Variants in MROH9 observed in about 807,000 individuals in gnomAD.
MROH9 encodes the protein maestro heat like repeat family member 9, also known as maestro heat-like repeat-containing protein family member 9.
In MROH9, 92 loss-of-function variants were observed where a neutral mutation model predicts 98.2. The observed-to-expected ratio is 0.94, with a 90% CI of 0.79 to 1.11. The LOEUF (loss-of-function observed/expected upper bound fraction) is 1.11. Ranked by LOEUF, MROH9 falls within the 50% of genes most tolerant of loss-of-function variation. The pLI is 0.00. For missense variants in MROH9, 1,057 were observed against 1,014.8 expected (o/e 1.04, Z -0.57); for synonymous variants, 397 against 368.9 (o/e 1.08, Z -0.87).
intron 20 of MROH9, among the ~76,000 whole-genome samples, chr1:171,049,076 T>C (rs1653568065): frequency 6.6e-6 from 1 of 151,938 alleles, no homozygotes; most frequent in Non-Finnish European, 1.5e-5. Flanking sequence ...GAAAGGAAAG[T>C]GTCTTTTTTG....
intron 12 of MROH9, among the ~76,000 whole-genome samples, chr1:170,993,406 T>G (rs1651436149): frequency 6.6e-6 from 1 of 152,156 alleles, no homozygotes; most frequent in Admixed American, 6.6e-5. Context: ...CACATATGCC[T>G]TGAATAAGCC....
intron 20 of MROH9, among the ~76,000 whole-genome samples, chr1:171,051,319 C>A (rs1403467388): frequency 6.6e-6 from 1 of 151,924 alleles, no homozygotes; most frequent in East Asian, 1.9e-4. Flanking sequence ...TACACAATAG[C>A]AAAGACATAG....
intron 15 of MROH9, among the ~76,000 whole-genome samples, chr1:171,012,249 TTTA>T (rs1652178931): frequency 1.3e-5 from 2 of 152,048 alleles, no homozygotes; most frequent in Admixed American, 6.5e-5. Flanking sequence ...GGTTTCTTCT[TTTA>T]TTATATCACA....
At chr1:170,956,627 G>C (rs115061831) in intron 3 of MROH9, among the ~76,000 whole-genome samples, 1 of 142,680 alleles carries the variant, frequency 7.0e-6, no homozygotes, top group Non-Finnish European at 1.5e-5. Flanking sequence ...ATTGTAAAAG[G>C]GGTTGAGTTC....
At chr1:170,968,592 TAGAG>T (rs1650321619) in intron 7 of MROH9, among the ~76,000 whole-genome samples, 1 of 151,938 alleles carries the variant, frequency 6.6e-6, no homozygotes, top group South Asian at 2.1e-4. Context: ...CTATTAAAGA[TAGAG>T]AGACAGCTGG....
At position 170,945,722 on chromosome 1, in the gene MROH9, C is replaced by T. The variant is rs1340379258; in HGVS notation, c.25+141C>T. On this transcript the variant is annotated intron_variant, in intron 2 of 21. Transcript: ENST00000367759. Reference sequence around the variant, plus strand: ...GAATGTACCTTTTTTCCCTAATGCCCGTAGAACGTTCACAAAAGTAACCAT... The same window carrying T: ...GAATGTACCTTTTTTCCCTAATGCCTGTAGAACGTTCACAAAAGTAACCAT... The T allele has an allele frequency of 2.2e-5, 14 of 641,834 alleles. 1 individual carries two copies. In the South Asian group the frequency reaches 3.0e-4, roughly 14 times the overall value. 39.8% of individuals were successfully genotyped at this position (641,834 alleles called of 1,614,324 possible). A position where few individuals can be genotyped will look rare whatever the true frequency, so the allele number is the denominator to read the frequency against.
chr1:170,971,763 C>G lies in MROH9; in HGVS notation c.496C>G (p.Pro166Ala), dbSNP rs1213761762. 1.2e-6 allele frequency: 2 copies of G among 1,614,014 alleles called. No homozygotes were observed. The highest frequency in any genetic ancestry group is 1.7e-6 in the Non-Finnish European group (2 of 1,179,934). The change falls in exon 8 of 22, where the codon CCA becomes GCA. Residue 166 changes from proline to alanine, a missense_variant. Transcript: ENST00000367759. The stretch of plus-strand genomic sequence containing the variant: ...TCTCCATTAGATAAGTGTTGATGCT[C>G]CATGTTTGGGTCTCCTGGCAGCAGA... The part of the protein sequence containing the change: ...KVRKYISVDA[P>A]CLGLLAAELS...
intron 3 of MROH9, among the ~76,000 whole-genome samples, chr1:170,957,574 A>T (rs1372210703): frequency 6.6e-6 from 1 of 152,072 alleles, no homozygotes; most frequent in Non-Finnish European, 1.5e-5. Flanking sequence ...TTACTTTTGT[A>T]TTATAGCTTG....
rs536841827 is a variant in MROH9, at chr1:170,966,150, G to T, written c.480+895G>T. Among the ~76,000 whole-genome samples, 5 of 152,144 alleles carry T rather than the reference G, an allele frequency of 3.3e-5. No homozygotes were observed. The South Asian group carries it at 1.0e-3, about 32-fold the overall frequency. ...GGTTAAAGTTTAGTAACACAAAATT[G>T]TCCACCAATTTGCATTCATGTAAAT... On this transcript the variant is annotated intron_variant, in intron 7 of 21. Coordinates refer to ENST00000367759, the MANE Select transcript of MROH9 (RefSeq NM_001163629.2).
rs976383929 is a variant in MROH9, at chr1:170,940,850, G to A, written c.-37-4670G>A. 9.8e-5 allele frequency among the ~76,000 whole-genome samples: 15 copies of A among 152,296 alleles called. No homozygotes were observed. The East Asian group carries it at 2.9e-3, about 29-fold the overall frequency. ...TTGCTTCCAGCTTACTATGTTCCTA[G>A]GTAGAGGCAGTTCTTGTGGCTTCCA... is the stretch of plus-strand genomic sequence containing the variant. On this transcript the variant is annotated intron_variant, in intron 1 of 21. Coordinates refer to ENST00000367759, the MANE Select transcript of MROH9 (RefSeq NM_001163629.2).
chr1:171,012,889 C>A (rs765976806), intron 15 of MROH9, among the ~76,000 whole-genome samples: 2 of 152,150 alleles, frequency 1.3e-5, no homozygotes, highest in African/African-American at 2.4e-5. Context: ...ATACTCATGT[C>A]TTCACTCTGG....
intron 8 of MROH9, among the ~76,000 whole-genome samples, chr1:170,981,511 C>A (rs1650927323): frequency 6.6e-6 from 1 of 152,038 alleles, no homozygotes; most frequent in Non-Finnish European, 1.5e-5. Flanking sequence ...AACACAGGAA[C>A]AGAAAACCAA....
At chr1:170,944,559 G>A (rs1649247521) in intron 1 of MROH9, among the ~76,000 whole-genome samples, 1 of 151,212 alleles carries the variant, frequency 6.6e-6, no homozygotes, top group African/African-American at 2.4e-5. Flanking sequence ...TCTCAAAAAG[G>A]TTGCAAATAA....
chr1:171,009,749 C>G (rs1199538139), intron 15 of MROH9, among the ~76,000 whole-genome samples: 1 of 152,128 alleles, frequency 6.6e-6, no homozygotes, highest in East Asian at 1.9e-4. Flanking sequence ...CCAAAAGGAA[C>G]CATGTCTCCT....
intron 17 of MROH9, among the ~76,000 whole-genome samples, chr1:171,023,961 T>G (rs1030881492): frequency 1.3e-5 from 2 of 152,136 alleles, no homozygotes; most frequent in Non-Finnish European, 2.9e-5. Context: ...CTTCTATGAG[T>G]TCAACCTTTT....
intron 20 of MROH9, among the ~76,000 whole-genome samples, chr1:171,038,315 A>T (rs1306737765): frequency 6.6e-6 from 1 of 152,198 alleles, no homozygotes; most frequent in Non-Finnish European, 1.5e-5. Flanking sequence ...CAATGTTTCT[A>T]TCCATTGAGT....
At chr1:170,980,283 C>T (rs1177274880) in intron 8 of MROH9, among the ~76,000 whole-genome samples, 1 of 152,144 alleles carries the variant, frequency 6.6e-6, no homozygotes, top group Admixed American at 6.6e-5. Flanking sequence ...AGAGCCAAGA[C>T]AGTCCTAAGC....
rs1237083029 is a variant in MROH9 at position 170,993,048 on chromosome 1, A to G, written c.1194+719A>G. On this transcript the variant is annotated intron_variant, in intron 12 of 21. Coordinates refer to ENST00000367759, the MANE Select transcript of MROH9 (RefSeq NM_001163629.2). The stretch of plus-strand genomic sequence containing the variant: ...TGGAATATGTATTTCTACGATGCCA[A>G]TTACAATCCCTAAAGGCAAAATCCT... 2.6e-5 allele frequency among the ~76,000 whole-genome samples: 4 copies of G among 152,322 alleles called. No homozygotes were observed. The South Asian group carries it at 8.3e-4, about 32-fold the overall frequency.
chr1:170,994,176 G>A (rs1164870267), intron 12 of MROH9, among the ~76,000 whole-genome samples: 2 of 152,042 alleles, frequency 1.3e-5, no homozygotes, highest in Non-Finnish European at 2.9e-5. Flanking sequence ...TTGAGATCTC[G>A]GCTCTTTGGG....
Sources: allele counts gnomAD v4.1 joint callset (sites outside exome capture counted in the v4.1 genomes callset), GRCh38; gene constraint gnomAD v4.1.1; transcripts MANE v1.5; gene names NCBI Gene and HGNC (gene_info 2026-07-23, HGNC 2026-07-21).